Variants in NR2F1-AS1 observed in about 807,000 individuals in gnomAD.
NR2F1-AS1 encodes NR2F1 regulatory antisense RNA 1.
chr5:93,557,825 T>G (rs1752395477), intron 2 of NR2F1-AS1, among the ~76,000 whole-genome samples: 1 of 152,246 alleles, frequency 6.6e-6, no homozygotes, highest in Non-Finnish European at 1.5e-5. Context: ...CAGTAGAGCT[T>G]CTTTCAAAAC....
rs568900112 is a variant in NR2F1-AS1 at position 93,539,223 on chromosome 5, A to G, written n.638+14538T>C. ...AACCTGGGAGGTGGAGGTTGCAGTGAGCTGAGATTGCGCCTCTGCACTCCA... is the reference window on the plus strand; with the variant it reads ...AACCTGGGAGGTGGAGGTTGCAGTGGGCTGAGATTGCGCCTCTGCACTCCA... On this transcript the variant is annotated intron_variant and non_coding_transcript_variant, in intron 4 of 5. Transcript: ENST00000660523. Among the ~76,000 whole-genome samples the G allele has an allele frequency of 1.2e-4, 18 of 152,276 alleles. No individual in the cohort carries two copies. The South Asian group carries it at 3.5e-3, about 30-fold the overall frequency.
intron 4 of NR2F1-AS1, chr5:93,543,929 T>A (rs1017395299): frequency 1.3e-5 from 2 of 152,172 alleles, no homozygotes; most frequent in African/African-American, 2.4e-5. Context: ...CCAAAAAGTT[T>A]GTTAAAAGTG....
intron 1 of NR2F1-AS1, among the ~76,000 whole-genome samples, chr5:93,576,892 T>A (rs906819313): frequency 6.6e-6 from 1 of 152,258 alleles, no homozygotes; most frequent in Non-Finnish European, 1.5e-5. Flanking sequence ...CCATTTTCCC[T>A]GGAAAGAATA....
chr5:93,440,785 T>G (rs940510357), intron 4 of NR2F1-AS1, among the ~76,000 whole-genome samples: 1 of 152,326 alleles, frequency 6.6e-6, no homozygotes, highest in African/African-American at 2.4e-5. Flanking sequence ...TAGTCCTAGG[T>G]TTGCAGTTTC....
chr5:93,529,386 T>C (rs571011036), intron 4 of NR2F1-AS1, among the ~76,000 whole-genome samples: 13 of 152,302 alleles, frequency 8.5e-5, no homozygotes, highest in African/African-American at 3.1e-4. Flanking sequence ...CACCACTGTC[T>C]TAGTAACGCT....
chr5:93,557,314 C>G (rs531370703), intron 2 of NR2F1-AS1, among the ~76,000 whole-genome samples: 274 of 152,114 alleles, frequency 1.8e-3, no homozygotes, highest in African/African-American at 6.3e-3. Context: ...TGGTATAGAC[C>G]AGGAATGGGC....
chr5:93,561,608 AC>A (rs1752488933), intron 2 of NR2F1-AS1, among the ~76,000 whole-genome samples: 1 of 152,074 alleles, frequency 6.6e-6, no homozygotes, highest in African/African-American at 2.4e-5. Context: ...CCCCGTCTCT[AC>A]AAAAAATTAA....
At chr5:93,548,042 C>T (rs1230608074) in intron 4 of NR2F1-AS1, among the ~76,000 whole-genome samples, 2 of 152,136 alleles carry the variant, frequency 1.3e-5, no homozygotes, top group Non-Finnish European at 2.9e-5. Context: ...TTATACTGGA[C>T]ATCCTGACCA....
intron 4 of NR2F1-AS1, among the ~76,000 whole-genome samples, chr5:93,484,194 C>G (rs1750666023): frequency 6.6e-6 from 1 of 152,120 alleles, no homozygotes; most frequent in Non-Finnish European, 1.5e-5. Context: ...TTAAGGGCAA[C>G]CAGAGAGAAA....
At chr5:93,481,333 T>C (rs1002758690) in intron 4 of NR2F1-AS1, among the ~76,000 whole-genome samples, 1 of 152,016 alleles carries the variant, frequency 6.6e-6, no homozygotes, top group Non-Finnish European at 1.5e-5. Flanking sequence ...CAATTATAAA[T>C]GTATACACAT....
chr5:93,498,816 C>T (rs976103022), intron 4 of NR2F1-AS1, among the ~76,000 whole-genome samples: 2 of 152,100 alleles, frequency 1.3e-5, no homozygotes, highest in South Asian at 2.1e-4. Context: ...CCCTGATCTA[C>T]GAATCTGCAC....
intron 4 of NR2F1-AS1, among the ~76,000 whole-genome samples, chr5:93,479,219 GA>G (rs992704792): frequency 2.6e-5 from 4 of 151,306 alleles, no homozygotes; most frequent in Admixed American, 6.6e-5. Context: ...ACCTTCTCTT[GA>G]AAAAAAAATT....
intron 4 of NR2F1-AS1, among the ~76,000 whole-genome samples, chr5:93,442,290 G>C (rs780138213): frequency 6.3e-4 from 96 of 152,308 alleles, no homozygotes; most frequent in Non-Finnish European, 1.0e-3. Flanking sequence ...CCCTTTCCTA[G>C]CCAAGGGAAG....
intron 4 of NR2F1-AS1, among the ~76,000 whole-genome samples, chr5:93,533,369 T>C (rs1379564985): frequency 6.6e-6 from 1 of 152,134 alleles, no homozygotes; most frequent in Non-Finnish European, 1.5e-5. Flanking sequence ...CAAAACATAA[T>C]TAAACTTACA....
At chr5:93,430,418 A>G (rs1036631213) in intron 4 of NR2F1-AS1, among the ~76,000 whole-genome samples, 1 of 152,210 alleles carries the variant, frequency 6.6e-6, no homozygotes, top group African/African-American at 2.4e-5. Context: ...ACGGGGAACT[A>G]AAAGATGCTG....
chr5:93,445,269 T>C (rs1484953030), intron 4 of NR2F1-AS1, among the ~76,000 whole-genome samples: 1 of 152,140 alleles, frequency 6.6e-6, no homozygotes, highest in Non-Finnish European at 1.5e-5. Context: ...GGAGTTGGTT[T>C]TTTGAAAGGA....
intron 4 of NR2F1-AS1, among the ~76,000 whole-genome samples, chr5:93,414,088 A>C (rs962855934): frequency 6.6e-6 from 1 of 152,184 alleles, no homozygotes; most frequent in African/African-American, 2.4e-5. Flanking sequence ...ATGATACTTC[A>C]CATATTTTGA....
chr5:93,523,288 T>C (rs1751542208), intron 4 of NR2F1-AS1, among the ~76,000 whole-genome samples: 2 of 152,204 alleles, frequency 1.3e-5, no homozygotes, highest in Admixed American at 6.5e-5. Context: ...GCAGCCAGAC[T>C]GCCCTTCTGG....
chr5:93,515,518 A>C (rs992621093), intron 4 of NR2F1-AS1, among the ~76,000 whole-genome samples: 1 of 151,908 alleles, frequency 6.6e-6, no homozygotes, highest in African/African-American at 2.4e-5. Flanking sequence ...TTAATTTTGA[A>C]ATTATTTGAT....
Sources: allele counts gnomAD v4.1 joint callset (sites outside exome capture counted in the v4.1 genomes callset), GRCh38; gene constraint gnomAD v4.1.1; transcripts MANE v1.5; gene names NCBI Gene and HGNC (gene_info 2026-07-23, HGNC 2026-07-21).